The following SIM1 variants were observed in gnomAD, a reference collection of about 807,000 sequenced individuals.
SIM1 encodes the protein SIM bHLH transcription factor 1.
SIM1 carries 18 observed loss-of-function variants against 78.2 expected under a neutral mutation model. The ratio of observed to expected loss-of-function variants is 0.23; its 90% CI spans 0.16 to 0.34. SIM1 has a LOEUF of 0.34. Among genes scored for constraint, SIM1 ranks in the 10% least tolerant of loss-of-function variants. The pLI, the probability that SIM1 is intolerant of heterozygous loss-of-function variation, is 1.00. For missense variants in SIM1, 939 were observed against 975.1 expected, an observed-to-expected ratio of 0.96 and a Z score of 0.49; for synonymous variants, 417 against 385.2, an observed-to-expected ratio of 1.08 and a Z score of -0.97.
chr6:100,447,212 C>G, intron 9 of SIM1, 56 bp downstream of exon 9: 1 of 1,579,656 alleles, frequency 6.3e-7, no homozygotes, highest in Non-Finnish European at 8.6e-7. Context: ...CACCCGCACT[C>G]TCGCAGAGAG....
At chr6:100,392,324 G>A (rs988912539) in intron 11 of SIM1, among the ~76,000 whole-genome samples, 1 of 152,190 alleles carries the variant, frequency 6.6e-6, no homozygotes, top group Non-Finnish European at 1.5e-5. Flanking sequence ...TATAAAAAGA[G>A]AGAAGAGAAA....
intron 9 of SIM1, among the ~76,000 whole-genome samples, chr6:100,428,643 C>G (rs966013589): frequency 6.6e-6 from 1 of 151,406 alleles, no homozygotes; most frequent in African/African-American, 2.4e-5. Context: ...ATGTTCATAC[C>G]TTAAATTCAG....
At position 100,389,191 on chromosome 6, in the gene SIM1, C is replaced by G. The variant is rs565131169; in HGVS notation, c.*1170G>C. The G allele has an allele frequency of 6.5e-6, 1 of 154,658 alleles. No individual in the cohort carries two copies. The highest frequency in any genetic ancestry group is 2.4e-5 in the African/African-American group (1 of 41,588). 9.6% of individuals were successfully genotyped at this position (154,658 alleles called of 1,614,324 possible). A position where few individuals can be genotyped will look rare whatever the true frequency, so the allele number is the denominator to read the frequency against. On this transcript the variant is annotated 3_prime_UTR_variant, in exon 12 of 12. Coordinates refer to ENST00000369208, the MANE Select transcript of SIM1 (RefSeq NM_005068.3). ...CTACTATACCACACAGATGTAAGAC[C>G]AAGTTTGTTGTTTACAAACAATAAG...
At position 100,388,204 on chromosome 6, in the gene SIM1, T is replaced by G. The variant is rs535210986; in HGVS notation, c.*2157A>C. 8 of 152,224 alleles carry G rather than the reference T, an allele frequency of 5.3e-5. No homozygotes were observed. The highest frequency in any genetic ancestry group is 1.9e-4 in the African/African-American group (8 of 41,562). 9.4% of individuals were successfully genotyped at this position (152,224 alleles called of 1,614,324 possible). ...GTCACCCCTTGGTATAAACAGGGAG[T>G]TGGTTCCAGGATTACCCCCATATAA... On this transcript the variant is annotated 3_prime_UTR_variant, in exon 12 of 12. Transcript: ENST00000369208.
intron 9 of SIM1, among the ~76,000 whole-genome samples, chr6:100,439,583 C>T (rs1471244166): frequency 6.6e-6 from 1 of 152,142 alleles, no homozygotes; most frequent in Non-Finnish European, 1.5e-5. Context: ...CTGTGAAACA[C>T]TGGTATACAG....
At chr6:100,430,357 ATAGT>A (rs1771869573) in intron 9 of SIM1, among the ~76,000 whole-genome samples, 1 of 152,190 alleles carries the variant, frequency 6.6e-6, no homozygotes, top group African/African-American at 2.4e-5. Flanking sequence ...TTGGTCTTTA[ATAGT>A]TAGATCTGAA....
intron 9 of SIM1, among the ~76,000 whole-genome samples, chr6:100,434,518 C>A (rs1771990601): frequency 6.6e-6 from 1 of 152,166 alleles, no homozygotes; most frequent in Non-Finnish European, 1.5e-5. Context: ...CTGGTTCAGT[C>A]ACAAGAACAC....
rs959975255 is a variant in SIM1 at position 100,390,671 on chromosome 6, T to C, written c.1991A>G (p.Asp664Gly). Residue 664 changes from aspartate (D) to glycine (G), a missense_variant, in exon 12 of 12, where the codon GAT becomes GGT. This residue lies in a region of SIM1 where 556 missense variants were observed against 521.9 expected (regional missense o/e 1.07). Coordinates refer to ENST00000369208, the MANE Select transcript of SIM1 (RefSeq NM_005068.3). ...GATCAAACTGGATTTTGAAATGCGA[T>C]CCGAATTGGGACTACTTATCCGAGA... ...ALSRISSPNS[D>G]RISKSSLILA... 5.6e-6 allele frequency: 9 copies of C among 1,614,066 alleles called. No individual in the cohort carries two copies. Among genetic ancestry groups the C allele is most frequent in the Non-Finnish European group, 7.6e-6 (9 of 1,180,048 alleles).
At chr6:100,450,665 G>GTCTCTCTCTC (rs374252955) in intron 3 of SIM1, among the ~76,000 whole-genome samples, 1,774 of 117,106 alleles carry the variant, frequency 0.015, 26 homozygotes, top group Non-Finnish European at 0.023. Context: ...CACACACACT[G>GTCTCTCTCTC]TCTCTCTCTC....
In SIM1 at chr6:100,448,256, A is replaced by G. The variant is rs1330738904; in HGVS notation, c.744-4T>C. On this transcript the variant is annotated splice_polypyrimidine_tract_variant and splice_region_variant and intron_variant, in intron 7 of 11. Transcript: ENST00000369208. ...GTACCCCGTCAGCTCCGCCACCCTG[A>G]GGAGAGCAATCCCTGCAGGATGAAT... The G allele has an allele frequency of 3.1e-6, 5 of 1,609,408 alleles. No individual in the cohort carries two copies. The highest frequency in any genetic ancestry group is 4.2e-6 in the Non-Finnish European group (5 of 1,177,324).
chr6:100,390,733 G>T lies in SIM1; in HGVS notation c.1929C>A (p.Pro643=), dbSNP rs779049664. The T allele has an allele frequency of 6.2e-7, 1 of 1,614,076 alleles. No homozygotes were observed. Among genetic ancestry groups the T allele is most frequent in the South Asian group, 1.1e-5 (1 of 91,080 alleles). The change falls in exon 12 of 12, where the codon CCC becomes CCA. Residue 643 remains proline (P), a synonymous_variant. Transcript: ENST00000369208. ...GACTGTTGTCATAGTCATTTTCATGGGGGCTCAACATTTTTCCCTCTCTCT... is the reference window on the plus strand; with the variant it reads ...GACTGTTGTCATAGTCATTTTCATGTGGGCTCAACATTTTTCCCTCTCTCT... The part of the protein sequence containing the change: ...IQQREGKMLS[P]HENDYDNSPT...
intron 6 of SIM1, among the ~76,000 whole-genome samples, 197 bp downstream of exon 6, chr6:100,449,166 T>G (rs1371923257): frequency 6.6e-6 from 1 of 152,154 alleles, no homozygotes; most frequent in African/African-American, 2.4e-5. Flanking sequence ...CCAGTCAGAC[T>G]TTGTCTTTAA....
intron 9 of SIM1, among the ~76,000 whole-genome samples, chr6:100,446,523 C>T (rs1204708736): frequency 2.6e-5 from 4 of 152,212 alleles, no homozygotes; most frequent in East Asian, 1.9e-4. Context: ...CTTCACCAGC[C>T]GCACACCAGG....
rs1354426118 is a variant in SIM1, at chr6:100,395,915, C to G, written c.1168-2026G>C. On this transcript the variant is annotated intron_variant, in intron 10 of 11. Coordinates refer to ENST00000369208, the MANE Select transcript of SIM1 (RefSeq NM_005068.3). ...GGTCAAAATTTTTCCTTTGCCATTT[C>G]TAATTATTACTTTAATTATTTTCCA... 9 of 176,476 alleles carry G rather than the reference C, an allele frequency of 5.1e-5. No individual in the cohort carries two copies. In the Admixed American group the frequency reaches 5.9e-4, roughly 12 times the overall value. The allele number at this position is 176,476 out of a possible 1,614,324, so 10.9% of individuals were successfully genotyped here.
rs569646580 is a variant in SIM1, at chr6:100,401,372, T to C, written c.1168-7483A>G. Among the ~76,000 whole-genome samples, 4 of 152,218 alleles carry C rather than the reference T, an allele frequency of 2.6e-5. No individual in the cohort carries two copies. In the South Asian group the frequency reaches 8.3e-4, roughly 32 times the overall value. On this transcript the variant is annotated intron_variant, in intron 10 of 11. Coordinates refer to ENST00000369208, the MANE Select transcript of SIM1 (RefSeq NM_005068.3). ...CTAGAGAGAAAATAACAAATGCTAT[T>C]AGGGATGTTACTGGAGAAATCTTAC...
At chr6:100,403,836 C>T (rs1000861931) in intron 10 of SIM1, among the ~76,000 whole-genome samples, 3 of 152,136 alleles carry the variant, frequency 2.0e-5, no homozygotes, top group African/African-American at 7.2e-5. Flanking sequence ...TTATTAAATG[C>T]TAACAACATC....
At chr6:100,429,028 C>A (rs1249587443) in intron 9 of SIM1, among the ~76,000 whole-genome samples, 1 of 152,102 alleles carries the variant, frequency 6.6e-6, no homozygotes, top group Non-Finnish European at 1.5e-5. Flanking sequence ...GGTAATTCCA[C>A]CTCTGGGAAT....
At chr6:100,396,966 ATAATAACTATTTGG>A (rs1770783526) in intron 10 of SIM1, among the ~76,000 whole-genome samples, 1 of 152,232 alleles carries the variant, frequency 6.6e-6, no homozygotes, top group African/African-American at 2.4e-5. Flanking sequence ...TCTGTATAAT[ATAATAACTATTTGG>A]TATCCTTTTT....
chr6:100,433,097 G>A (rs1260155384), intron 9 of SIM1, among the ~76,000 whole-genome samples: 3 of 151,890 alleles, frequency 2.0e-5, no homozygotes, highest in Non-Finnish European at 2.9e-5. Flanking sequence ...TTCCCTCACC[G>A]AGGCAATTAC....
Sources: gnomAD v4.1 joint callset for allele counts (sites outside exome capture counted in the v4.1 genomes callset) on GRCh38, gnomAD v4.1.1 for gene constraint, gnomAD v4.1.1 regional missense constraint, MANE v1.5 for transcripts, NCBI Gene and HGNC (gene_info 2026-07-23, HGNC 2026-07-21) for gene names.